Variants in RIC1 observed in about 807,000 individuals in gnomAD.
RIC1 encodes RIC1 partner of RAB6A GEF complex.
Under a neutral mutation model 169.0 loss-of-function variants are expected in RIC1, and 88 were observed. That is an observed-to-expected ratio of 0.52 (90% CI 0.44 to 0.62). RIC1 has a LOEUF of 0.62. RIC1 is among the 20% of genes least tolerant of loss of function. The pLI is 0.00. For synonymous variants in RIC1, 790 were observed against 601.5 expected, an observed-to-expected ratio of 1.31 and a Z score of -4.59; for missense variants, 1,877 against 1,725.5, an observed-to-expected ratio of 1.09 and a Z score of -1.56.
chr9:5,629,557 C>T lies in RIC1; in HGVS notation c.144+104C>T, dbSNP rs977655022. 33 of 1,230,800 alleles carry T rather than the reference C, an allele frequency of 2.7e-5. No individual in the cohort carries two copies. The African/African-American group carries it at 4.3e-4, about 16-fold the overall frequency. 76.2% of individuals were successfully genotyped at this position (1,230,800 alleles called of 1,614,324 possible). ...AGCCTAGGACTCCTGCCCCTTCGTG[C>T]CAGACCCACCTGCCTTCGCAGTCCG... On this transcript the variant is annotated intron_variant, in intron 1 of 25. Transcript: ENST00000414202.
intron 2 of RIC1, among the ~76,000 whole-genome samples, chr9:5,667,695 T>C (rs1474055233): frequency 1.3e-5 from 2 of 151,938 alleles, no homozygotes; most frequent in Admixed American, 6.6e-5. Flanking sequence ...TGTAGAGATG[T>C]GATCTCACTA....
chr9:5,684,326 A>G (rs564261423), intron 2 of RIC1, among the ~76,000 whole-genome samples: 4 of 112,192 alleles, frequency 3.6e-5, no homozygotes, highest in Non-Finnish European at 5.1e-5. Flanking sequence ...TTATACAGAA[A>G]TGTCTGCTGG....
chr9:5,749,513 T>A (rs1261112639), intron 12 of RIC1, among the ~76,000 whole-genome samples: 1 of 152,146 alleles, frequency 6.6e-6, no homozygotes, highest in African/African-American at 2.4e-5. Flanking sequence ...TCAAAGTTGA[T>A]TTTGTTTGCG....
intron 1 of RIC1, among the ~76,000 whole-genome samples, chr9:5,653,400 C>G (rs895757574): frequency 2.6e-5 from 4 of 152,016 alleles, no homozygotes; most frequent in African/African-American, 9.7e-5. Context: ...TATTAAGTTG[C>G]TAGTCTTGGT....
In RIC1 at chr9:5,763,793, C is replaced by T; in HGVS notation, c.2766C>T (p.Asn922=). 2.5e-6 allele frequency: 4 copies of T among 1,614,170 alleles called. No individual in the cohort carries two copies. Among genetic ancestry groups the T allele is most frequent in the Non-Finnish European group, 3.4e-6 (4 of 1,180,022 alleles). The change falls in exon 19 of 26, where the codon AAC becomes AAT. Residue 922 remains asparagine, a synonymous_variant. Coordinates refer to ENST00000414202, the MANE Select transcript of RIC1 (RefSeq NM_020829.4). The surrounding 1 kb of genome is among the most constrained non-coding windows in gnomAD (Gnocchi z 5.2). ...ATTACCTTTTTGCAGCTGTTGGAAA[C>T]CCTAAGGACTTGTTTGAGGAGTGTT... The part of the protein sequence containing the change: ...LWNYLFAAVG[N]PKDLFEECLM...
intron 1 of RIC1, among the ~76,000 whole-genome samples, chr9:5,656,110 T>C (rs141740108): frequency 6.6e-6 from 1 of 152,248 alleles, no homozygotes; most frequent in Non-Finnish European, 1.5e-5. Context: ...AACCTTGTGA[T>C]CCGCCCACCA....
intron 7 of RIC1, among the ~76,000 whole-genome samples, chr9:5,736,630 C>G (rs1362057319): frequency 6.6e-6 from 1 of 152,058 alleles, no homozygotes; most frequent in Admixed American, 6.6e-5. Context: ...TGTAGAGGGT[C>G]TCTCTTGAAT....
At chr9:5,670,559 T>A (rs1820027677) in intron 2 of RIC1, among the ~76,000 whole-genome samples, 1 of 152,230 alleles carries the variant, frequency 6.6e-6, no homozygotes, top group Admixed American at 6.5e-5. Flanking sequence ...CCATGTAATA[T>A]AAAATTGCCT....
chr9:5,692,487 T>C (rs1261680003), intron 3 of RIC1, among the ~76,000 whole-genome samples: 3 of 152,112 alleles, frequency 2.0e-5, no homozygotes, highest in Non-Finnish European at 4.4e-5. Context: ...TATACATATA[T>C]ATCTACTTGA....
intron 3 of RIC1, among the ~76,000 whole-genome samples, chr9:5,690,822 G>A (rs1462014587): frequency 6.6e-6 from 1 of 151,816 alleles, no homozygotes; most frequent in East Asian, 1.9e-4. Flanking sequence ...TATATAAATT[G>A]CCAATAAGCA....
At chr9:5,699,336 C>T (rs1278720397) in intron 3 of RIC1, among the ~76,000 whole-genome samples, 1 of 152,186 alleles carries the variant, frequency 6.6e-6, no homozygotes, top group Non-Finnish European at 1.5e-5. Flanking sequence ...GTGAGTGCGC[C>T]CTCCAATGGA....
chr9:5,733,408 C>A (rs1317363564), intron 7 of RIC1, among the ~76,000 whole-genome samples: 1 of 151,810 alleles, frequency 6.6e-6, no homozygotes, highest in African/African-American at 2.4e-5. Flanking sequence ...GGACTGCAGG[C>A]GCCCACCACC....
intron 3 of RIC1, among the ~76,000 whole-genome samples, chr9:5,691,244 G>GT (rs1821576185): frequency 6.6e-6 from 1 of 151,890 alleles, no homozygotes; most frequent in Non-Finnish European, 1.5e-5. Context: ...GACCATGACT[G>GT]TATAAAACAA....
At chr9:5,661,385 T>C (rs1010194233) in intron 2 of RIC1, among the ~76,000 whole-genome samples, 1 of 152,160 alleles carries the variant, frequency 6.6e-6, no homozygotes, top group African/African-American at 2.4e-5. Context: ...TCAGTGGTAG[T>C]TTAATGGGGA....
chr9:5,681,656 G>A (rs1820847088), intron 2 of RIC1, among the ~76,000 whole-genome samples: 1 of 152,144 alleles, frequency 6.6e-6, no homozygotes, highest in South Asian at 2.1e-4. Context: ...ATGTCTATTA[G>A]GTCTGCTTGG....
chr9:5,684,128 G>A lies in RIC1; in HGVS notation c.253-5831G>A, dbSNP rs184403147. On this transcript the variant is annotated intron_variant, in intron 2 of 25. Coordinates refer to ENST00000414202, the MANE Select transcript of RIC1 (RefSeq NM_020829.4). ...GATGCCTTGCCCTGCTTCAGCTCAC[G>A]CACAGTGCGCTGCACCCACTGTCCG... Among the ~76,000 whole-genome samples the A allele has an allele frequency of 1.4e-3, 210 of 152,054 alleles. 3 individuals are homozygous for A. The highest frequency in any genetic ancestry group is 4.5e-3 in the African/African-American group (185 of 41,490).
At chr9:5,665,336 G>A (rs184290995) in intron 2 of RIC1, among the ~76,000 whole-genome samples, 331 of 152,234 alleles carry the variant, frequency 2.2e-3, no homozygotes, top group South Asian at 7.3e-3. Flanking sequence ...AACTTGGCAC[G>A]TCCTGTATTG....
intron 2 of RIC1, among the ~76,000 whole-genome samples, chr9:5,680,896 G>A (rs1220434837): frequency 7.8e-5 from 10 of 128,202 alleles, no homozygotes; most frequent in Admixed American, 3.9e-4. Context: ...GCGCGATCTC[G>A]GCTCACTGCA....
At chr9:5,631,347 G>A (rs990647851) in intron 1 of RIC1, among the ~76,000 whole-genome samples, 6 of 152,102 alleles carry the variant, frequency 3.9e-5, no homozygotes, top group African/African-American at 1.4e-4. Flanking sequence ...TGGGTTTAGA[G>A]GTCTGGAGTG....
Sources: allele counts gnomAD v4.1 joint callset (sites outside exome capture counted in the v4.1 genomes callset), GRCh38; gene constraint gnomAD v4.1.1; non-coding constraint Gnocchi (gnomAD v3.1); transcripts MANE v1.5; gene names NCBI Gene and HGNC (gene_info 2026-07-23, HGNC 2026-07-21).